The following SH2D1B variants were observed in gnomAD, a reference collection of about 807,000 sequenced individuals.
SH2D1B encodes the protein SH2 domain containing 1B, also known as SH2 domain-containing protein 1B.
Under a neutral mutation model 16.3 loss-of-function variants are expected in SH2D1B, and 11 were observed. That is an observed-to-expected ratio of 0.67 (90% CI 0.42 to 1.11). The LOEUF is 1.11. Among genes scored for constraint, SH2D1B ranks in the 50% most tolerant of loss-of-function variants. The pLI is 0.00. For synonymous variants in SH2D1B, 55 were observed against 56.1 expected (o/e 0.98, Z 0.09); for missense variants, 123 against 153.1 (o/e 0.80, Z 1.04).
At chr1:162,405,100 A>G (rs899457236) in intron 1 of SH2D1B, among the ~76,000 whole-genome samples, 2 of 152,254 alleles carry the variant, frequency 1.3e-5, no homozygotes, top group African/African-American at 4.8e-5. Context: ...AAAATGAACT[A>G]TTGCTGCATG....
At chr1:162,398,574 G>A (rs1258766428) in intron 3 of SH2D1B, among the ~76,000 whole-genome samples, 1 of 152,206 alleles carries the variant, frequency 6.6e-6, no homozygotes, top group Non-Finnish European at 1.5e-5. Context: ...ACGCTTTGGG[G>A]AGGGCTTGAA....
Position 162,399,015 on chromosome 1 carries a change from G to C in SH2D1B, c.271C>G (p.Gln91Glu), listed in dbSNP as rs1648445111. The change falls in exon 3 of 4, where the codon CAG (glutamine) becomes GAG (glutamate). Residue 91 changes from glutamine (Q) to glutamate (E), a missense_variant. Coordinates refer to ENST00000367929, the MANE Select transcript of SH2D1B (RefSeq NM_053282.5). ...ELISKFEKPNQGMVVHLLKPI... is the reference protein window; with the variant it reads ...ELISKFEKPNEGMVVHLLKPI... ...TTTAAAAGGTGAACCACCATCCCCT[G>C]ATTTGGTTTTTCAAATTTGGAGATC... 1 of 1,614,086 alleles carries C rather than the reference G, an allele frequency of 6.2e-7. No individual in the cohort carries two copies. The highest frequency in any genetic ancestry group is 1.3e-5 in the African/African-American group (1 of 75,032).
At chr1:162,403,511 AATATATATATATATAT>A (rs201259868) in intron 1 of SH2D1B, among the ~76,000 whole-genome samples, 427 of 41,838 alleles carry the variant, frequency 0.01, 17 homozygotes, top group East Asian at 0.014. Context: ...AAAAAAAAAA[AATATATATATATATAT>A]ATATATATAT....
intron 2 of SH2D1B, among the ~76,000 whole-genome samples, chr1:162,402,042 A>G (rs778878257): frequency 5.3e-5 from 8 of 152,216 alleles, no homozygotes; most frequent in Middle Eastern, 3.2e-3. Flanking sequence ...ATATTTTCGT[A>G]CAACTATTGG....
chr1:162,402,035 T>C (rs550654311), intron 2 of SH2D1B, among the ~76,000 whole-genome samples: 5 of 152,326 alleles, frequency 3.3e-5, no homozygotes, highest in Admixed American at 6.5e-5. Context: ...TCCCACTATA[T>C]TTTCGTACAA....
At chr1:162,403,527 T>C (rs1362641804) in intron 1 of SH2D1B, among the ~76,000 whole-genome samples, 2 of 61,594 alleles carry the variant, frequency 3.2e-5, no homozygotes, top group East Asian at 1.0e-3. Context: ...TATATATATA[T>C]ATATATATAT....
Position 162,398,906 on chromosome 1 carries a change from C to G in SH2D1B, c.363+17G>C. 3 of 1,605,256 alleles carry G rather than the reference C, an allele frequency of 1.9e-6. No homozygotes were observed. The highest frequency in any genetic ancestry group is 2.6e-6 in the Non-Finnish European group (3 of 1,173,722). ...AGGATTAAGATTGCTTTCTGACCCC[C>G]ACGTGAGAGATTTTACCACAAATGT... On this transcript the variant is annotated intron_variant, in intron 3 of 3. Transcript: ENST00000367929.
chr1:162,400,896 C>T (rs1027210408), intron 2 of SH2D1B, among the ~76,000 whole-genome samples: 1 of 152,044 alleles, frequency 6.6e-6, no homozygotes, highest in Admixed American at 6.6e-5. Context: ...TGCAGTGAGC[C>T]GAGATCACGC....
At chr1:162,404,987 G>A (rs142850922) in intron 1 of SH2D1B, among the ~76,000 whole-genome samples, 1 of 152,196 alleles carries the variant, frequency 6.6e-6, no homozygotes, top group Non-Finnish European at 1.5e-5. Context: ...CCCACACAAA[G>A]ACTTAGTCAC....
rs1369309334 is a variant in SH2D1B, at chr1:162,396,478, G to C, written c.*802C>G. The C allele has an allele frequency of 6.6e-6, 1 of 152,270 alleles. No homozygotes were observed. Among genetic ancestry groups the C allele is most frequent in the Non-Finnish European group, 1.5e-5 (1 of 68,098 alleles). 9.4% of individuals were successfully genotyped at this position (152,270 alleles called of 1,614,324 possible). The stretch of plus-strand genomic sequence containing the variant: ...CCCAACCGTGCTTTGATGGCACTTA[G>C]AACCTAGTTGGGAACAGAAATCACA... On this transcript the variant is annotated 3_prime_UTR_variant, in exon 4 of 4. Transcript: ENST00000367929.
At chr1:162,404,566 TTAAA>T (rs1648608730) in intron 1 of SH2D1B, among the ~76,000 whole-genome samples, 1 of 152,154 alleles carries the variant, frequency 6.6e-6, no homozygotes, top group African/African-American at 2.4e-5. Context: ...ATTGTATACT[TTAAA>T]TATGTACAGC....
intron 1 of SH2D1B, among the ~76,000 whole-genome samples, chr1:162,404,697 T>C (rs1277378323): frequency 1.3e-5 from 2 of 152,208 alleles, no homozygotes; most frequent in Non-Finnish European, 2.9e-5. Flanking sequence ...CTCGTAAAGA[T>C]ACCCAGTATC....
chr1:162,410,656 CTTT>C (rs66614229), intron 1 of SH2D1B, among the ~76,000 whole-genome samples: 6 of 129,954 alleles, frequency 4.6e-5, no homozygotes, highest in Admixed American at 7.9e-5. Context: ...TTTTCTTTTT[CTTT>C]TTTTTTTTTT....
intron 1 of SH2D1B, among the ~76,000 whole-genome samples, chr1:162,408,414 CTTTT>C (rs34627792): frequency 7.8e-6 from 1 of 128,190 alleles, no homozygotes; most frequent in Admixed American, 8.3e-5. Context: ...TTTTTCTCTT[CTTTT>C]TTTTTTTTTT....
chr1:162,399,109 A>T, intron 2 of SH2D1B, 22 bp from the exon 3 acceptor site: 1 of 1,594,404 alleles, frequency 6.3e-7, no homozygotes, highest in Non-Finnish European at 8.6e-7. Context: ...CAAGAAAGGA[A>T]ATCACTCATT....
chr1:162,407,059 G>A (rs1379750881), intron 1 of SH2D1B, among the ~76,000 whole-genome samples: 3 of 152,184 alleles, frequency 2.0e-5, no homozygotes, highest in African/African-American at 7.2e-5. Context: ...ATGCTGCTAG[G>A]TCAGCTCTCT....
At chr1:162,406,568 AGTTT>A (rs995416332) in intron 1 of SH2D1B, among the ~76,000 whole-genome samples, 1 of 152,210 alleles carries the variant, frequency 6.6e-6, no homozygotes, top group African/African-American at 2.4e-5. Context: ...AGACTGATAT[AGTTT>A]GTTTTGTTTT....
intron 3 of SH2D1B, 52 bp from the exon 4 acceptor site, chr1:162,397,367 G>A: frequency 2.5e-6 from 4 of 1,602,326 alleles, no homozygotes; most frequent in Non-Finnish European, 3.4e-6. Context: ...ACACCCAGAA[G>A]TCATATCAAA....
At chr1:162,407,118 A>C (rs1648668143) in intron 1 of SH2D1B, among the ~76,000 whole-genome samples, 1 of 152,186 alleles carries the variant, frequency 6.6e-6, no homozygotes, top group South Asian at 2.1e-4. Flanking sequence ...TATTTTCATC[A>C]CTAAATATTT....
Sources: allele counts gnomAD v4.1 joint callset (sites outside exome capture counted in the v4.1 genomes callset), GRCh38; gene constraint gnomAD v4.1.1; transcripts MANE v1.5; gene names NCBI Gene and HGNC (gene_info 2026-07-23, HGNC 2026-07-21).